Variants in KLHL13 observed in about 807,000 individuals in gnomAD.
KLHL13 encodes kelch-like protein 13.
KLHL13 carries 10 observed loss-of-function variants against 37.1 expected under a neutral mutation model. The ratio of observed to expected loss-of-function variants is 0.27; its 90% confidence interval spans 0.17 to 0.46. The LOEUF (loss-of-function observed/expected upper bound fraction) is 0.46, where lower values mean the gene tolerates loss of function less well. Among genes scored for constraint, KLHL13 ranks in the 20% least tolerant of loss-of-function variants. KLHL13 has a pLI of 1.00. For missense variants in KLHL13, 360 were observed against 509.3 expected (o/e 0.71, Z 2.82); for synonymous variants, 163 against 181.2 (o/e 0.90, Z 0.81).
intron 1 of KLHL13, among the ~76,000 whole-genome samples, chrX:117,969,950 A>C (rs2053496210): frequency 8.9e-6 from 1 of 111,886 alleles, no homozygotes; most frequent in Non-Finnish European, 1.9e-5. Flanking sequence ...ACCCACAAGG[A>C]AAAAAGTAAT....
intron 1 of KLHL13, among the ~76,000 whole-genome samples, chrX:117,965,338 G>T (rs1322887999): frequency 8.9e-6 from 1 of 112,146 alleles, no homozygotes; most frequent in Non-Finnish European, 1.9e-5. Context: ...CTGATGGCCA[G>T]TGATGATGAG....
intron 2 of KLHL13, among the ~76,000 whole-genome samples, chrX:117,926,342 C>G (rs896138018): frequency 9.0e-6 from 1 of 110,902 alleles, no homozygotes; most frequent in Non-Finnish European, 1.9e-5. Flanking sequence ...GACATCAAGG[C>G]AGATAGGACA....
chrX:118,020,553 A>G (rs896847796), intron 1 of KLHL13, among the ~76,000 whole-genome samples: 6 of 110,971 alleles, frequency 5.4e-5, no homozygotes, highest in African/African-American at 2.0e-4. Context: ...GGGACTGTAA[A>G]CTAGTTCAAC....
chrX:118,033,871 G>A (rs1250352026), intron 1 of KLHL13, among the ~76,000 whole-genome samples: 1 of 104,972 alleles, frequency 9.5e-6, no homozygotes, highest in East Asian at 2.9e-4. Flanking sequence ...ACACACATAG[G>A]CTCAAAATAA....
At chrX:117,972,607 C>T in intron 1 of KLHL13, 2 of 498,918 alleles carry the variant, frequency 4.0e-6, no homozygotes, top group East Asian at 7.1e-5. Context: ...TGTAAGCAAG[C>T]TTGAGGTTTT....
intron 5 of KLHL13, 56 bp downstream of exon 6, chrX:117,909,245 G>C (rs775613437): frequency 2.1e-6 from 2 of 967,214 alleles, no homozygotes; most frequent in East Asian, 6.3e-5. Flanking sequence ...TTTATGATTT[G>C]ATAAGAATTT....
intron 1 of KLHL13, among the ~76,000 whole-genome samples, chrX:118,104,765 T>C (rs1418921856): frequency 1.8e-5 from 2 of 112,051 alleles, no homozygotes; most frequent in Non-Finnish European, 3.8e-5. Flanking sequence ...TGTGGCCACA[T>C]TTGTTTCAAA....
At chrX:117,941,361 A>T (rs1358923684) in intron 2 of KLHL13, among the ~76,000 whole-genome samples, 1 of 111,974 alleles carries the variant, frequency 8.9e-6, no homozygotes, top group Non-Finnish European at 1.9e-5. Context: ...AAAAAGAGTT[A>T]GGGAATATTC....
rs763181663 is a variant in KLHL13 at position 118,028,765 on chromosome X, T to A, written c.-55-83190A>T. On this transcript the variant is annotated intron_variant, in intron 1 of 6. Coordinates refer to the KLHL13 transcript ENST00000371882. ...ATGTGAAATCAGTAACTAATGATTA[T>A]CCATGGAAAAGCAACCAAGTGGAGT... 5.3e-5 allele frequency among the ~76,000 whole-genome samples: 6 copies of A among 112,262 alleles called. No individual in the cohort carries two copies. The Admixed American group carries it at 5.7e-4, about 11-fold the overall frequency.
intron 1 of KLHL13, among the ~76,000 whole-genome samples, chrX:117,953,491 C>T (rs2147833072): frequency 9.0e-6 from 1 of 110,773 alleles, no homozygotes; most frequent in African/African-American, 3.3e-5. Context: ...CAGCATGGCA[C>T]ATGTATACAT....
chrX:117,985,113 C>A, intron 1 of KLHL13: 1 of 419,627 alleles, frequency 2.4e-6, no homozygotes, highest in Non-Finnish European at 3.9e-6. Context: ...AATATGTCTC[C>A]TGAATTCTAC....
intron 1 of KLHL13, among the ~76,000 whole-genome samples, chrX:118,067,583 T>C (rs1471999075): frequency 8.9e-6 from 1 of 112,079 alleles, no homozygotes; most frequent in Non-Finnish European, 1.9e-5. Flanking sequence ...AAAAATATTG[T>C]ATTTCTTTAT....
At chrX:118,028,651 T>G (rs1292798380) in intron 1 of KLHL13, among the ~76,000 whole-genome samples, 154 bp from the exon 2 acceptor site, 1 of 111,707 alleles carries the variant, frequency 9.0e-6, no homozygotes, top group Non-Finnish European at 1.9e-5. Flanking sequence ...CTTAAGAAAA[T>G]TAAGAAATTG....
At chrX:118,091,667 T>C (rs1009938177) in intron 1 of KLHL13, among the ~76,000 whole-genome samples, 1 of 110,642 alleles carries the variant, frequency 9.0e-6, no homozygotes, top group Non-Finnish European at 1.9e-5. Context: ...ACAAACGATC[T>C]AACATTTGCA....
chrX:117,967,178 A>T (rs185978861), intron 1 of KLHL13, among the ~76,000 whole-genome samples: 31 of 111,799 alleles, frequency 2.8e-4, no homozygotes, highest in Non-Finnish European at 4.3e-4. Context: ...AAGGGCTAAT[A>T]TCCAGAACTG....
chrX:118,100,255 G>A (rs912307132), intron 1 of KLHL13, among the ~76,000 whole-genome samples: 7 of 111,630 alleles, frequency 6.3e-5, no homozygotes, highest in African/African-American at 2.3e-4. Context: ...TGCAGTCTCC[G>A]AATGGCTGGC....
At chrX:118,013,741 G>C (rs754623968) in intron 1 of KLHL13, among the ~76,000 whole-genome samples, 1 of 112,551 alleles carries the variant, frequency 8.9e-6, no homozygotes, top group South Asian at 3.7e-4. Flanking sequence ...CATGTTGCAG[G>C]AAGTCAGAGA....
upstream of KLHL13, chrX:118,116,829 G>C (rs1262685381): frequency 2.0e-5 from 2 of 99,276 alleles, no homozygotes; most frequent in African/African-American, 7.4e-5. Context: ...TGCTGAGGGA[G>C]GGGGGCGGGA....
intron 2 of KLHL13, among the ~76,000 whole-genome samples, chrX:117,942,935 AT>A (rs1933123816): frequency 9.0e-6 from 1 of 111,138 alleles, no homozygotes; most frequent in Non-Finnish European, 1.9e-5. Context: ...GATCTTTACA[AT>A]TTGGTATGTT....
Sources: gnomAD v4.1 joint callset for allele counts (sites outside exome capture counted in the v4.1 genomes callset) on GRCh38, gnomAD v4.1.1 for gene constraint, MANE v1.5 for transcripts, NCBI Gene and HGNC (gene_info 2026-07-23, HGNC 2026-07-21) for gene names.